Variants in FOXP4 observed in about 807,000 individuals in gnomAD.
FOXP4 encodes forkhead box P4.
FOXP4 carries 25 observed loss-of-function variants against 82.6 expected under a neutral mutation model. The ratio of observed to expected loss-of-function variants is 0.30; its 90% CI spans 0.22 to 0.42. The LOEUF is 0.42. FOXP4 is among the 10% of genes least tolerant of loss of function. FOXP4 has a pLI of 1.00. For synonymous variants in FOXP4, 415 were observed against 388.2 expected, an observed-to-expected ratio of 1.07 and a Z score of -0.81; for missense variants, 785 against 900.9, an observed-to-expected ratio of 0.87 and a Z score of 1.65.
At chr6:41,569,946 G>C (rs1342147082) in intron 2 of FOXP4, among the ~76,000 whole-genome samples, 1 of 152,074 alleles carries the variant, frequency 6.6e-6, no homozygotes, top group Non-Finnish European at 1.5e-5. Flanking sequence ...TGGGGGAGGG[G>C]AGAAGAAGAA....
intron 2 of FOXP4, among the ~76,000 whole-genome samples, chr6:41,577,535 G>A (rs1160006416): frequency 1.3e-5 from 2 of 152,118 alleles, no homozygotes; most frequent in African/African-American, 2.4e-5. Flanking sequence ...TGGAGACTCC[G>A]TTTCCTCATC....
At chr6:41,587,725 T>C (rs1038646564) in intron 7 of FOXP4, 68 bp from the exon 8 acceptor site, 8 of 1,108,426 alleles carry the variant, frequency 7.2e-6, no homozygotes, top group Non-Finnish European at 1.1e-5. Flanking sequence ...GAGCTGGTGC[T>C]CAGCTGACTA....
At position 41,589,830 on chromosome 6, in the gene FOXP4, G is replaced by A. The variant is rs1344312901; in HGVS notation, c.1125G>A (p.Ser375=). ...TGGCCCACCTGCACATGCGGCCCTC[G>A]GAGCCCAAGCCCTTCAGCCAGCCAG... The part of the protein sequence containing the change: ...AMMAHLHMRP[S]EPKPFSQPLN... Residue 375 remains serine, a synonymous_variant, in exon 10 of 17, where the codon TCG becomes TCA. Coordinates refer to ENST00000307972, the MANE Select transcript of FOXP4 (RefSeq NM_001012426.2). 5.0e-6 allele frequency: 8 copies of A among 1,610,782 alleles called. No homozygotes were observed. Among genetic ancestry groups the A allele is most frequent in the African/African-American group, 2.7e-5 (2 of 74,996 alleles).
At chr6:41,592,295 T>C (rs1313573026) in intron 13 of FOXP4, among the ~76,000 whole-genome samples, 2 of 152,214 alleles carry the variant, frequency 1.3e-5, no homozygotes, top group African/African-American at 4.8e-5. Context: ...AGTGCCTGCC[T>C]ACCCTTTGCC....
intron 14 of FOXP4, 30 bp from the exon 15 acceptor site, chr6:41,597,146 G>A (rs1766892034): frequency 6.2e-7 from 1 of 1,611,798 alleles, no homozygotes; most frequent in Non-Finnish European, 8.5e-7. Context: ...GTGAATGAGT[G>A]AGCCAAAGAT....
chr6:41,597,736 C>T (rs1157485456), intron 15 of FOXP4, 45 bp from the exon 16 acceptor site: 6 of 1,586,044 alleles, frequency 3.8e-6, no homozygotes, highest in Non-Finnish European at 4.3e-6. Context: ...GAGTGTGCCC[C>T]ATCCTGTGGA....
At chr6:41,547,688 G>A (rs1005864837) in intron 1 of FOXP4, 1 of 152,256 alleles carries the variant, frequency 6.6e-6, no homozygotes, top group African/African-American at 2.4e-5. Flanking sequence ...TGTGGAGAGA[G>A]CTCCCGCTTC....
At chr6:41,570,677 C>G (rs947838804) in intron 2 of FOXP4, among the ~76,000 whole-genome samples, 2 of 152,182 alleles carry the variant, frequency 1.3e-5, no homozygotes, top group African/African-American at 4.8e-5. Context: ...AATCCCTCTT[C>G]TTCCCTCCCT....
At position 41,599,758 on chromosome 6, in the gene FOXP4, G is replaced by C. The variant is rs944438652; in HGVS notation, c.*822G>C. The stretch of plus-strand genomic sequence containing the variant: ...TGAGGCCAGAGGCGGGGCCTGGGCC[G>C]GGAGCCCAGGGGAAGGCCAGGCTGG... On this transcript the variant is annotated 3_prime_UTR_variant, in exon 17 of 17. Coordinates refer to ENST00000307972, the MANE Select transcript of FOXP4 (RefSeq NM_001012426.2). The C allele has an allele frequency of 1.3e-5, 2 of 152,564 alleles. No individual in the cohort carries two copies. Among genetic ancestry groups the C allele is most frequent in the Non-Finnish European group, 2.9e-5 (2 of 68,176 alleles). The allele number at this position is 152,564 out of a possible 1,614,324, so 9.5% of individuals were successfully genotyped here.
Position 41,565,732 on chromosome 6 carries a change from C to A in FOXP4, c.-16-13C>A. Reference sequence around the variant, plus strand: ...GCCTCAGCCTCTCCCCTGTGTCTCTCTTCCTCCTCCAGGTACCGCTAGAGC... The same window carrying A: ...GCCTCAGCCTCTCCCCTGTGTCTCTATTCCTCCTCCAGGTACCGCTAGAGC... On this transcript the variant is annotated splice_polypyrimidine_tract_variant and intron_variant, in intron 1 of 16. Transcript: ENST00000307972. The A allele has an allele frequency of 8.3e-6, 13 of 1,567,038 alleles. No individual in the cohort carries two copies. The highest frequency in any genetic ancestry group is 1.1e-5 in the Non-Finnish European group (13 of 1,150,958).
At chr6:41,594,218 C>G (rs1766688840) in intron 13 of FOXP4, among the ~76,000 whole-genome samples, 1 of 152,204 alleles carries the variant, frequency 6.6e-6, no homozygotes, top group African/African-American at 2.4e-5. Flanking sequence ...TTTCTCTCCT[C>G]TTTCTGCCTC....
Position 41,593,095 on chromosome 6 carries a change from T to G in FOXP4, c.1536+1773T>G, listed in dbSNP as rs539361004. Among the ~76,000 whole-genome samples the G allele has an allele frequency of 1.3e-5, 2 of 152,182 alleles. No homozygotes were observed. The highest frequency in any genetic ancestry group is 2.9e-5 in the Non-Finnish European group (2 of 68,028). On this transcript the variant is annotated intron_variant, in intron 13 of 16. Coordinates refer to ENST00000307972, the MANE Select transcript of FOXP4 (RefSeq NM_001012426.2). The surrounding 1 kb of genome is among the most constrained non-coding windows in gnomAD (Gnocchi z 4.1). ...ATCCAGCTTGAGGTCCACTTTGACC[T>G]TCTGGTTTTTTTCAGCCAAATGCAT...
intron 3 of FOXP4, among the ~76,000 whole-genome samples, chr6:41,580,044 C>CTT (rs10644693): frequency 0.13 from 17,074 of 131,810 alleles, 1,360 homozygotes; most frequent in Admixed American, 0.18. Flanking sequence ...AGAACTCACA[C>CTT]TTTTTTTTTT....
chr6:41,573,374 GC>G (rs1335604526), intron 2 of FOXP4, among the ~76,000 whole-genome samples: 1 of 152,046 alleles, frequency 6.6e-6, no homozygotes, highest in East Asian at 1.9e-4. Flanking sequence ...TGCCCTCAAA[GC>G]TACAGCTTCA....
At position 41,585,470 on chromosome 6, in the gene FOXP4, C is replaced by T. The variant is rs1005568162; in HGVS notation, c.463C>T (p.Leu155=). 1.1e-5 allele frequency: 17 copies of T among 1,613,936 alleles called. No individual in the cohort carries two copies. Among genetic ancestry groups the T allele is most frequent in the Middle Eastern group, 1.7e-4 (1 of 6,056 alleles). The part of the protein sequence containing the change: ...YYKKQQEQLH[L]QLLTQQQAGK... ...CAAGAAGCAGCAGGAGCAGCTCCAC[C>T]TGCAGCTCCTCACCCAGCAGCAGGC... The change falls in exon 5 of 17, where the codon CTG becomes TTG. Residue 155 remains leucine, a synonymous_variant. Coordinates refer to ENST00000307972, the MANE Select transcript of FOXP4 (RefSeq NM_001012426.2).
At chr6:41,576,571 G>A (rs964773498) in intron 2 of FOXP4, among the ~76,000 whole-genome samples, 12 of 152,298 alleles carry the variant, frequency 7.9e-5, no homozygotes, top group East Asian at 7.7e-4. Context: ...GGCGCATTTC[G>A]TCTAATAAGT....
chr6:41,589,181 GCA>G (rs956622316), intron 9 of FOXP4, among the ~76,000 whole-genome samples: 1 of 152,210 alleles, frequency 6.6e-6, no homozygotes, highest in African/African-American at 2.4e-5. Context: ...TAGAACCCAG[GCA>G]GCCTGGCTTT....
intron 2 of FOXP4, among the ~76,000 whole-genome samples, chr6:41,576,815 C>T (rs1199327282): frequency 6.6e-6 from 1 of 152,114 alleles, no homozygotes; most frequent in African/African-American, 2.4e-5. Context: ...GCTGGCAGGC[C>T]GCACAGCTGG....
At chr6:41,580,747 G>C (rs947269432) in intron 3 of FOXP4, among the ~76,000 whole-genome samples, 1 of 152,062 alleles carries the variant, frequency 6.6e-6, no homozygotes, top group Non-Finnish European at 1.5e-5. Context: ...CTCCCCACCC[G>C]AGCAGAAGAG....
Sources: allele counts gnomAD v4.1 joint callset (sites outside exome capture counted in the v4.1 genomes callset), GRCh38; gene constraint gnomAD v4.1.1; non-coding constraint Gnocchi (gnomAD v3.1); transcripts MANE v1.5; gene names NCBI Gene and HGNC (gene_info 2026-07-23, HGNC 2026-07-21).